The following CCDC7 variants were observed in gnomAD, a reference collection of about 807,000 sequenced individuals.
CCDC7 encodes coiled-coil domain containing 7.
In CCDC7, 183 loss-of-function variants were observed where a neutral mutation model predicts 196.9. The ratio of observed to expected loss-of-function variants is 0.93; its 90% confidence interval spans 0.82 to 1.05. CCDC7 has a LOEUF of 1.05. Ranked by LOEUF, CCDC7 falls within the 50% of genes least tolerant of loss-of-function variation. The probability of loss-of-function intolerance (pLI) is 0.00; values close to 1 mark genes in which losing one functional copy is unlikely to be tolerated. For synonymous variants in CCDC7, 525 were observed against 484.6 expected (o/e 1.08, Z -1.10); for missense variants, 1,540 against 1,482.2 (o/e 1.04, Z -0.64).
intron 16 of CCDC7, among the ~76,000 whole-genome samples, chr10:32,582,042 G>A (rs1023361829): frequency 4.2e-5 from 6 of 143,618 alleles, no homozygotes; most frequent in African/African-American, 1.5e-4. Flanking sequence ...ATGGCAATTT[G>A]CTTTATAATG....
chr10:32,846,059 A>G (rs1407456770), intron 36 of CCDC7, 100 bp downstream of exon 37: 9 of 858,546 alleles, frequency 1.0e-5, no homozygotes, highest in Admixed American at 2.2e-5. Flanking sequence ...CCTGTATCAT[A>G]GTACTTTCCA....
intron 24 of CCDC7, among the ~76,000 whole-genome samples, chr10:32,711,391 A>C (rs549360745): frequency 6.6e-6 from 1 of 152,262 alleles, no homozygotes; most frequent in South Asian, 2.1e-4. Flanking sequence ...GTAGAGACTA[A>C]TATAAAACAC....
At chr10:32,805,285 T>C (rs2085598516) in intron 30 of CCDC7, among the ~76,000 whole-genome samples, 187 bp downstream of exon 31, 1 of 152,182 alleles carries the variant, frequency 6.6e-6, no homozygotes, top group Non-Finnish European at 1.5e-5. Context: ...AGCTAGATAT[T>C]ATTACTTTTA....
intron 33 of CCDC7, among the ~76,000 whole-genome samples, chr10:32,841,854 G>A (rs527385955): frequency 2.0e-5 from 3 of 152,156 alleles, no homozygotes; most frequent in Non-Finnish European, 4.4e-5. Context: ...CACGAAGTGG[G>A]GAAAGGACAC....
chr10:32,700,814 G>A lies in CCDC7; in HGVS notation c.2458+5822G>A, dbSNP rs530919899. On this transcript the variant is annotated intron_variant, in intron 24 of 41. Coordinates refer to ENST00000639629, the Ensembl canonical transcript of CCDC7. ...TCCTAGGTATTTTATTTTCTTTGAA[G>A]CAAATGTGAATGGGAATTCACTCAC... 7.9e-5 allele frequency among the ~76,000 whole-genome samples: 12 copies of A among 152,226 alleles called. No homozygotes were observed. The East Asian group carries it at 2.3e-3, about 29-fold the overall frequency.
chr10:32,637,683 T>C (rs1038363786), intron 20 of CCDC7, among the ~76,000 whole-genome samples: 1 of 152,236 alleles, frequency 6.6e-6, no homozygotes, highest in East Asian at 1.9e-4. Context: ...AGCTTTGTTC[T>C]TTTGGCTTAG....
intron 33 of CCDC7, among the ~76,000 whole-genome samples, chr10:32,839,075 T>A (rs1050793196): frequency 6.6e-6 from 1 of 151,160 alleles, no homozygotes; most frequent in Admixed American, 6.6e-5. Flanking sequence ...ATTAACACAG[T>A]GGGGAGAAAA....
exon 7 of CCDC7, chr10:32,472,495 G>A (rs767344847): frequency 2.5e-6 from 4 of 1,583,438 alleles, no homozygotes; most frequent in African/African-American, 1.3e-5. Flanking sequence ...AAAGAAAATC[G>A]ACCAGAAGCA....
intron 41 of CCDC7, among the ~76,000 whole-genome samples, chr10:32,856,088 G>A (rs1019421320): frequency 3.9e-5 from 6 of 152,082 alleles, no homozygotes; most frequent in South Asian, 4.2e-4. Flanking sequence ...AAAGTAGACC[G>A]AAAACCTAAA....
At chr10:32,816,464 T>G (rs2088587478) in intron 31 of CCDC7, among the ~76,000 whole-genome samples, 1 of 152,334 alleles carries the variant, frequency 6.6e-6, no homozygotes, top group East Asian at 1.9e-4. Flanking sequence ...TAAATGTCCC[T>G]GTCTGACAGC....
At chr10:32,595,148 G>C (rs1271270088) in intron 18 of CCDC7, among the ~76,000 whole-genome samples, 1 of 152,168 alleles carries the variant, frequency 6.6e-6, no homozygotes, top group East Asian at 1.9e-4. Context: ...TTGTACCTCT[G>C]GCAGAATTTG....
At chr10:32,705,606 A>G (rs1159677523) in intron 24 of CCDC7, among the ~76,000 whole-genome samples, 4 of 152,108 alleles carry the variant, frequency 2.6e-5, no homozygotes, top group Non-Finnish European at 5.9e-5. Flanking sequence ...TAGGCTCAAA[A>G]TAAAGGGATG....
intron 28 of CCDC7, among the ~76,000 whole-genome samples, chr10:32,759,443 A>G (rs1293866871): frequency 6.6e-6 from 1 of 152,214 alleles, no homozygotes; most frequent in Non-Finnish European, 1.5e-5. Context: ...AATGCCACAT[A>G]TCTACAACTA....
intron 30 of CCDC7, among the ~76,000 whole-genome samples, chr10:32,813,449 C>T (rs1034113096): frequency 6.6e-6 from 1 of 152,096 alleles, no homozygotes; most frequent in Admixed American, 6.5e-5. Flanking sequence ...CAGTTTTTCT[C>T]AGTTTTACAA....
At chr10:32,726,788 T>C (rs368004952) in exon 26 of CCDC7, 20 of 1,602,834 alleles carry the variant, frequency 1.2e-5, no homozygotes, top group Non-Finnish European at 1.3e-5. Context: ...AAACTCCAAA[T>C]GCAAGAAAAG....
chr10:32,743,214 T>C (rs2074080850), intron 28 of CCDC7, among the ~76,000 whole-genome samples: 1 of 152,100 alleles, frequency 6.6e-6, no homozygotes, highest in South Asian at 2.1e-4. Context: ...CAAGAATAGG[T>C]TTAGTTTTTA....
chr10:32,448,199 C>T (rs1020805740), upstream of CCDC7, among the ~76,000 whole-genome samples: 2 of 152,006 alleles, frequency 1.3e-5, no homozygotes, highest in South Asian at 2.1e-4. Context: ...AAGATATTTT[C>T]GTTCTATTGT....
chr10:32,603,218 T>C (rs1343607460), intron 18 of CCDC7, among the ~76,000 whole-genome samples: 1 of 152,112 alleles, frequency 6.6e-6, no homozygotes, highest in Admixed American at 6.6e-5. Flanking sequence ...CATCTTTCTA[T>C]GCCTGGCTTA....
chr10:32,845,962 A>G lies in CCDC7; in HGVS notation c.3604+3A>G. The G allele has an allele frequency of 1.2e-6, 2 of 1,602,444 alleles. No individual in the cohort carries two copies. The highest frequency in any genetic ancestry group is 1.3e-5 in the African/African-American group (1 of 74,686). ...TACACAACTGAAGAGTCACCGAGGT[A>G]AGAGAAAGAATTTTTCAAGTCTAAT... On this transcript the variant is annotated splice_donor_region_variant and intron_variant, in intron 36 of 41. Transcript: ENST00000639629.
Sources: gnomAD v4.1 joint callset for allele counts (sites outside exome capture counted in the v4.1 genomes callset) on GRCh38, gnomAD v4.1.1 for gene constraint, MANE v1.5 for transcripts, NCBI Gene and HGNC (gene_info 2026-07-23, HGNC 2026-07-21) for gene names.